PHF19: variants seen among roughly 807,000 people sequenced by gnomAD.
The protein encoded by PHF19 is polycomb like 3.
PHF19 carries 21 observed loss-of-function variants against 79.8 expected under a neutral mutation model. That is an observed-to-expected ratio of 0.26 (90% CI 0.19 to 0.38). PHF19 has a LOEUF of 0.38. Among genes scored for constraint, PHF19 ranks in the 10% least tolerant of loss-of-function variants. The pLI is 1.00. For synonymous variants in PHF19, 273 were observed against 296.3 expected (o/e 0.92, Z 0.81); for missense variants, 445 against 744.2 (o/e 0.60, Z 4.68).
rs375013886 is a variant in PHF19 at position 120,858,306 on chromosome 9, G to A, written c.1401-20C>T. The A allele has an allele frequency of 7.3e-6, 11 of 1,497,938 alleles. No individual in the cohort carries two copies. The highest frequency in any genetic ancestry group is 8.0e-6 in the Non-Finnish European group (9 of 1,118,498). 92.8% of individuals were successfully genotyped at this position (1,497,938 alleles called of 1,614,324 possible). A position where few individuals can be genotyped will look rare whatever the true frequency, so the allele number is the denominator to read the frequency against. ...GTCCATCTGTATCAGAAGTGGGAGAGGAAGATGATGAGAATGAGGTAGAAC... is the reference window on the plus strand; with the variant it reads ...GTCCATCTGTATCAGAAGTGGGAGAAGAAGATGATGAGAATGAGGTAGAAC... On this transcript the variant is annotated intron_variant, in intron 14 of 14. Transcript: ENST00000373896.
At chr9:120,883,895 C>A (rs915655901) in intron 1 of PHF19, among the ~76,000 whole-genome samples, 1 of 152,082 alleles carries the variant, frequency 6.6e-6, no homozygotes, top group African/African-American at 2.4e-5. Context: ...GGTCAGACCA[C>A]AATGACCTCT....
Position 120,869,833 on chromosome 9 carries a change from T to C in PHF19, c.465+12A>G, listed in dbSNP as rs1398594910. On this transcript the variant is annotated intron_variant, in intron 5 of 14. Transcript: ENST00000373896. This position sits in a 1 kb window ranked among gnomAD's most constrained non-coding sequence, Gnocchi z 5.8. ...CAGGAGAGGCAGGGACTGGGGAGGATGGAAGGCTCACCCGCACAGCCAGTG... is the reference window on the plus strand; with the variant it reads ...CAGGAGAGGCAGGGACTGGGGAGGACGGAAGGCTCACCCGCACAGCCAGTG... 2 of 1,612,608 alleles carry C rather than the reference T, an allele frequency of 1.2e-6. No homozygotes were observed. The highest frequency in any genetic ancestry group is 1.7e-6 in the Non-Finnish European group (2 of 1,179,622).
At chr9:120,858,661 T>C (rs918674107) in intron 14 of PHF19, among the ~76,000 whole-genome samples, 1 of 152,158 alleles carries the variant, frequency 6.6e-6, no homozygotes, top group Admixed American at 6.5e-5. Context: ...CACCATTCTC[T>C]GAGCCTCCTG....
rs956076995 is a variant in PHF19, at chr9:120,891,674, G to C, written c.42+3114C>G. Among the ~76,000 whole-genome samples the C allele has an allele frequency of 9.2e-5, 14 of 152,156 alleles. No individual in the cohort carries two copies. Among genetic ancestry groups the C allele is most frequent in the Admixed American group, 8.5e-4 (13 of 15,276 alleles). Reference sequence around the variant, plus strand: ...CCCCACTATATTTGCCATATTTGTTGTGTTGAAAGAAAACTAGTCATCTGT... The same window carrying C: ...CCCCACTATATTTGCCATATTTGTTCTGTTGAAAGAAAACTAGTCATCTGT... On this transcript the variant is annotated intron_variant, in intron 1 of 14. Transcript: ENST00000616568. This position sits in a 1 kb window ranked among gnomAD's most constrained non-coding sequence, Gnocchi z 4.3.
In PHF19 at chr9:120,869,842, C is replaced by T; in HGVS notation, c.465+3G>A. 1 of 1,612,676 alleles carries T rather than the reference C, an allele frequency of 6.2e-7. No individual in the cohort carries two copies. Among genetic ancestry groups the T allele is most frequent in the Non-Finnish European group, 8.5e-7 (1 of 1,179,538 alleles). The stretch of plus-strand genomic sequence containing the variant: ...CAGGGACTGGGGAGGATGGAAGGCT[C>T]ACCCGCACAGCCAGTGCGAAGATGC... On this transcript the variant is annotated splice_donor_region_variant and intron_variant, in intron 5 of 14. Coordinates refer to ENST00000373896, the MANE Select transcript of PHF19 (RefSeq NM_015651.3). The surrounding 1 kb of genome is among the most constrained non-coding windows in gnomAD (Gnocchi z 5.8).
At chr9:120,888,616 G>C (rs1280719510) in intron 1 of PHF19, among the ~76,000 whole-genome samples, 1 of 152,188 alleles carries the variant, frequency 6.6e-6, no homozygotes, top group Admixed American at 6.5e-5. Context: ...TGGAGACCAA[G>C]GGCCTTGTAT....
chr9:120,874,577 G>A lies in PHF19; in HGVS notation c.165C>T (p.Tyr55=). Residue 55 remains tyrosine (Y), a synonymous_variant, in exon 2 of 15, where the codon TAC becomes TAT. Coordinates refer to ENST00000373896, the MANE Select transcript of PHF19 (RefSeq NM_015651.3). The surrounding 1 kb of genome is among the most constrained non-coding windows in gnomAD (Gnocchi z 4.5). ...YVLCRWTDGL[Y]YLGKIKRVSS... is the part of the protein sequence containing the mutation. Reference sequence around the variant, plus strand: ...TTACCCTCTTGATCTTCCCGAGGTAGTACAGGCCATCTGTCCACCGGCACA... The same window carrying A: ...TTACCCTCTTGATCTTCCCGAGGTAATACAGGCCATCTGTCCACCGGCACA... The A allele has an allele frequency of 1.2e-6, 2 of 1,612,074 alleles. No individual in the cohort carries two copies.
chr9:120,857,787 C>T lies in PHF19; in HGVS notation c.*157G>A. ...AGCTGGTACAGCAGAGAGACGCAGG[C>T]CTTGGCCTGGCAGGCAGGCAGGCAG... On this transcript the variant is annotated 3_prime_UTR_variant, in exon 15 of 15. Transcript: ENST00000373896. 1 of 579,370 alleles carries T rather than the reference C, an allele frequency of 1.7e-6. No individual in the cohort carries two copies. Among genetic ancestry groups the T allele is most frequent in the Non-Finnish European group, 3.1e-6 (1 of 326,398 alleles). 35.9% of individuals were successfully genotyped at this position (579,370 alleles called of 1,614,324 possible). A position where few individuals can be genotyped will look rare whatever the true frequency, so the allele number is the denominator to read the frequency against.
At chr9:120,859,410 G>A (rs1046336244) in intron 14 of PHF19, among the ~76,000 whole-genome samples, 1 of 151,918 alleles carries the variant, frequency 6.6e-6, no homozygotes, top group Non-Finnish European at 1.5e-5. Flanking sequence ...ATGAGCCACC[G>A]TGCCTGGCCA....
the PHF19 span, among the ~76,000 whole-genome samples, chr9:120,902,214 C>A: frequency 6.6e-6 from 1 of 152,124 alleles, no homozygotes; most frequent in Non-Finnish European, 1.5e-5. Context: ...GATGCTCAGG[C>A]TTTATCACTT....
At chr9:120,886,301 G>A (rs2046261811) in intron 1 of PHF19, among the ~76,000 whole-genome samples, 1 of 152,250 alleles carries the variant, frequency 6.6e-6, no homozygotes, top group Admixed American at 6.5e-5. Context: ...AGGCATGTGT[G>A]TGCAGGGAAT....
Position 120,866,544 on chromosome 9 carries a change from G to C in PHF19, c.710+326C>G, listed in dbSNP as rs903218514. 3.9e-5 allele frequency among the ~76,000 whole-genome samples: 6 copies of C among 152,216 alleles called. No individual in the cohort carries two copies. The highest frequency in any genetic ancestry group is 8.8e-5 in the Non-Finnish European group (6 of 68,046). The stretch of plus-strand genomic sequence containing the variant: ...CCCCAGTGACTCCCACAGCAACCCT[G>C]GGCAGGGCTGGCGCAAGGACTGTGT... On this transcript the variant is annotated intron_variant, in intron 7 of 14. Coordinates refer to ENST00000373896, the MANE Select transcript of PHF19 (RefSeq NM_015651.3). This position sits in a 1 kb window ranked among gnomAD's most constrained non-coding sequence, Gnocchi z 5.2.
intron 1 of PHF19, among the ~76,000 whole-genome samples, chr9:120,894,015 T>C (rs1239486297): frequency 6.6e-6 from 1 of 152,092 alleles, no homozygotes; most frequent in Non-Finnish European, 1.5e-5. Context: ...CACCCAGCGC[T>C]CCCAGTTTTC....
chr9:120,893,609 C>T (rs183755105), intron 1 of PHF19, among the ~76,000 whole-genome samples: 4 of 152,328 alleles, frequency 2.6e-5, no homozygotes, highest in East Asian at 3.9e-4. Context: ...CATCTTTGAA[C>T]GGTTCCTTGA....
chr9:120,895,195 G>GACTTTCTATCCAAAATCCAA (rs2046390520), upstream of PHF19, among the ~76,000 whole-genome samples: 1 of 152,144 alleles, frequency 6.6e-6, no homozygotes, highest in Non-Finnish European at 1.5e-5. Flanking sequence ...CCAAACTCCA[G>GACTTTCTATCCAAAATCCAA]AGGGAGGGGA....
chr9:120,859,404 G>A (rs993365905), intron 14 of PHF19, among the ~76,000 whole-genome samples: 1 of 151,926 alleles, frequency 6.6e-6, no homozygotes, highest in African/African-American at 2.4e-5. Flanking sequence ...ACAGGCATGA[G>A]CCACCGTGCC....
At chr9:120,868,871 A>C (rs1403931797) in intron 6 of PHF19, 4 of 1,104,538 alleles carry the variant, frequency 3.6e-6, no homozygotes, top group Non-Finnish European at 4.4e-6. Context: ...CCTCGCCCCA[A>C]GGTCTAACCT....
chr9:120,885,514 G>A (rs1031112440), intron 1 of PHF19, among the ~76,000 whole-genome samples: 2 of 151,692 alleles, frequency 1.3e-5, no homozygotes, highest in Non-Finnish European at 2.9e-5. Flanking sequence ...GGAGGCGGAG[G>A]TTGCAGTGAG....
upstream of PHF19, among the ~76,000 whole-genome samples, chr9:120,898,982 T>G (rs1440616236): frequency 6.6e-6 from 1 of 151,110 alleles, no homozygotes; most frequent in Non-Finnish European, 1.5e-5. Flanking sequence ...GTGGATTACC[T>G]GAGGTCGGGA....
Sources: allele counts gnomAD v4.1 joint callset (sites outside exome capture counted in the v4.1 genomes callset), GRCh38; gene constraint gnomAD v4.1.1; non-coding constraint Gnocchi (gnomAD v3.1); transcripts MANE v1.5; gene names NCBI Gene and HGNC (gene_info 2026-07-23, HGNC 2026-07-21).